The following TPP2 variants were observed in gnomAD, a reference collection of about 807,000 sequenced individuals.
The protein encoded by TPP2 is tripeptidyl peptidase 2.
TPP2 carries 34 observed loss-of-function variants against 155.9 expected under a neutral mutation model. That is an observed-to-expected ratio of 0.22 (90% confidence interval 0.17 to 0.29). TPP2 has a LOEUF of 0.29. TPP2 is among the 10% of genes least tolerant of loss of function. The probability of loss-of-function intolerance (pLI) is 1.00; values close to 1 mark genes in which losing one functional copy is unlikely to be tolerated. For missense variants in TPP2, 1,028 were observed against 1,522.3 expected (o/e 0.68, Z 5.40); for synonymous variants, 510 against 529.4 (o/e 0.96, Z 0.50).
rs763202320 is a variant in TPP2, at chr13:102,636,292, T to C, written c.1578T>C (p.Thr526=). ...CTAATAAATTAGGTTTTACTGTTACTGTTGGAAATAACCGTGGCATCTACC... is the reference window on the plus strand; with the variant it reads ...CTAATAAATTAGGTTTTACTGTTACCGTTGGAAATAACCGTGGCATCTACC... ...SFANKLGFTV[T]VGNNRGIYLR... Residue 526 remains threonine, a synonymous_variant, in exon 13 of 30, where the codon ACT becomes ACC. Coordinates refer to ENST00000376052, the MANE Select transcript of TPP2 (RefSeq NM_001330588.2). 43 of 1,613,860 alleles carry C rather than the reference T, an allele frequency of 2.7e-5. No homozygotes were observed. The highest frequency in any genetic ancestry group is 3.4e-5 in the Non-Finnish European group (40 of 1,179,938).
chr13:102,622,812 G>C, intron 5 of TPP2, 65 bp from the exon 6 acceptor site: 21 of 1,503,522 alleles, frequency 1.4e-5, no homozygotes, highest in Non-Finnish European at 1.8e-5. Flanking sequence ...GAGAGACTAT[G>C]TTACATGATT....
At chr13:102,597,292 G>A in intron 1 of TPP2, 89 bp downstream of exon 1, 1 of 751,550 alleles carries the variant, frequency 1.3e-6, no homozygotes, top group African/African-American at 1.8e-5. Context: ...GCAGGCCAAA[G>A]CCCCGCTCTG....
At chr13:102,634,380 A>G (rs894320964) in intron 11 of TPP2, among the ~76,000 whole-genome samples, 1 of 152,192 alleles carries the variant, frequency 6.6e-6, no homozygotes, top group African/African-American at 2.4e-5. Flanking sequence ...AGGTTACATC[A>G]TTATATATAT....
intron 27 of TPP2, among the ~76,000 whole-genome samples, chr13:102,671,474 G>T (rs1221937786): frequency 2.6e-5 from 4 of 152,200 alleles, no homozygotes; most frequent in African/African-American, 7.2e-5. Flanking sequence ...ATCAGGGGTA[G>T]GGGAGAAACA....
At chr13:102,637,292 G>A (rs564662970) in intron 14 of TPP2, 53 bp downstream of exon 14, 47 of 1,533,334 alleles carry the variant, frequency 3.1e-5, no homozygotes, top group South Asian at 2.6e-4. Context: ...TGTTTAAAAG[G>A]TTAAAAAAAA....
intron 27 of TPP2, among the ~76,000 whole-genome samples, chr13:102,673,064 G>A (rs1885077956): frequency 6.6e-6 from 1 of 152,182 alleles, no homozygotes; most frequent in Non-Finnish European, 1.5e-5. Context: ...CAAGGTACAG[G>A]ATCAAATGGG....
intron 8 of TPP2, 79 bp from the exon 9 acceptor site, chr13:102,629,403 T>C (rs1881867006): frequency 7.3e-7 from 1 of 1,373,228 alleles, no homozygotes; most frequent in Non-Finnish European, 9.4e-7. Flanking sequence ...TAGCCATATA[T>C]TTAAACAAGG....
chr13:102,620,077 G>T (rs1163808066), intron 5 of TPP2, among the ~76,000 whole-genome samples: 1 of 152,200 alleles, frequency 6.6e-6, no homozygotes, highest in Admixed American at 6.5e-5. Flanking sequence ...GAGGCAATAG[G>T]TGGTTTCATT....
At chr13:102,657,800 G>A (rs912561110) in intron 25 of TPP2, among the ~76,000 whole-genome samples, 4 of 151,860 alleles carry the variant, frequency 2.6e-5, no homozygotes, top group African/African-American at 9.7e-5. Context: ...AGTAAAAATC[G>A]TCTCGCTGTG....
At chr13:102,623,684 CTG>C (rs1457888713) in intron 6 of TPP2, among the ~76,000 whole-genome samples, 3 of 152,206 alleles carry the variant, frequency 2.0e-5, no homozygotes, top group South Asian at 4.1e-4. Context: ...CTACGGCACT[CTG>C]TGTGATTTCA....
intron 26 of TPP2, 145 bp downstream of exon 26, chr13:102,663,889 A>C: frequency 1.5e-6 from 1 of 663,054 alleles, no homozygotes; most frequent in Non-Finnish European, 2.4e-6. Flanking sequence ...AGCTGTTTTC[A>C]TGAAGGTTAT....
chr13:102,652,570 T>A (rs1883591837), intron 24 of TPP2, among the ~76,000 whole-genome samples: 1 of 151,908 alleles, frequency 6.6e-6, no homozygotes, highest in African/African-American at 2.4e-5. Flanking sequence ...AATGTCCTAA[T>A]GTATACTTGT....
intron 2 of TPP2, among the ~76,000 whole-genome samples, chr13:102,612,828 CTT>C (rs1209718182): frequency 6.6e-6 from 1 of 152,042 alleles, no homozygotes; most frequent in African/African-American, 2.4e-5. Flanking sequence ...TTAAATATAA[CTT>C]AACGACTTTC....
chr13:102,647,698 T>C (rs531426857), intron 21 of TPP2, among the ~76,000 whole-genome samples: 2 of 152,178 alleles, frequency 1.3e-5, no homozygotes, highest in African/African-American at 4.8e-5. Flanking sequence ...CCTCTTGAAA[T>C]GATCCTAAGT....
chr13:102,670,783 T>C (rs1884923481), intron 27 of TPP2, among the ~76,000 whole-genome samples: 1 of 152,198 alleles, frequency 6.6e-6, no homozygotes, highest in Non-Finnish European at 1.5e-5. Context: ...TTAATGTGTG[T>C]AAGTTGCTAG....
intron 2 of TPP2, among the ~76,000 whole-genome samples, chr13:102,609,207 C>T (rs527944101): frequency 8.3e-4 from 127 of 152,192 alleles, no homozygotes; most frequent in Non-Finnish European, 1.7e-3. Flanking sequence ...TGAAGAACTA[C>T]ATGAGACTGG....
rs909279387 is a variant in TPP2, at chr13:102,679,191, CATAA to C, written c.*881_*884del. ...CTTCTTAAAGTTGGTCTTAATTTTT[CATAA>C]ATAAAATTTGGGGTTATAACAGAAA... On this transcript the variant is annotated 3_prime_UTR_variant, in exon 30 of 30. Transcript: ENST00000376052. 6.6e-6 allele frequency: 1 copy of C among 152,116 alleles called. No individual in the cohort carries two copies. The highest frequency in any genetic ancestry group is 1.5e-5 in the Non-Finnish European group (1 of 67,946). 9.4% of individuals were successfully genotyped at this position (152,116 alleles called of 1,614,324 possible). A position where few individuals can be genotyped will look rare whatever the true frequency, so the allele number is the denominator to read the frequency against.
intron 27 of TPP2, among the ~76,000 whole-genome samples, chr13:102,666,766 C>CTCTT (rs1216225768): frequency 1.8e-5 from 1 of 55,732 alleles, no homozygotes; most frequent in Admixed American, 2.5e-4. Flanking sequence ...TTTTTAATCT[C>CTCTT]TTTTTTTTTT....
chr13:102,639,789 G>A (rs641630), intron 15 of TPP2, among the ~76,000 whole-genome samples: 75,353 of 152,026 alleles, frequency 0.5, 19,092 homozygotes, highest in African/African-American at 0.6. Context: ...TCTTACAAAA[G>A]TGCTTTGAAA....
Sources: allele counts gnomAD v4.1 joint callset (sites outside exome capture counted in the v4.1 genomes callset), GRCh38; gene constraint gnomAD v4.1.1; transcripts MANE v1.5; gene names NCBI Gene and HGNC (gene_info 2026-07-23, HGNC 2026-07-21).